SHISA9: variants seen among roughly 807,000 people sequenced by gnomAD.
SHISA9 encodes shisa family member 9, also known as protein shisa-9.
In SHISA9, 13 loss-of-function variants were observed where a neutral mutation model predicts 38.0. That is an observed-to-expected ratio of 0.34 (90% CI 0.22 to 0.54). The LOEUF (loss-of-function observed/expected upper bound fraction) is 0.54, where lower values mean the gene tolerates loss of function less well. Among genes scored for constraint, SHISA9 ranks in the 20% least tolerant of loss-of-function variants. The pLI is 0.91. For synonymous variants in SHISA9, 275 were observed against 242.0 expected, an observed-to-expected ratio of 1.14 and a Z score of -1.27; for missense variants, 538 against 575.8, an observed-to-expected ratio of 0.93 and a Z score of 0.67.
chr16:13,488,619 A>G, the SHISA9 span, among the ~76,000 whole-genome samples: 20 of 152,242 alleles, frequency 1.3e-4, no homozygotes, highest in African/African-American at 3.9e-4. Context: ...ACAGATTTGT[A>G]GTCTAGGAGT....
At position 13,203,466 on chromosome 16, in the gene SHISA9, C is replaced by T. The variant is rs1596728568; in HGVS notation, c.764C>T (p.Pro255Leu). ...LQQMGHPHSY[P>L]NLGQISNPYE... ...CAGATGGGCCATCCACATTCGTACC[C>T]GAACCTGGGCCAGATCTCCAACCCC... The change falls in exon 3 of 5, where the codon CCG becomes CTG. Residue 255 changes from proline to leucine, a missense_variant. This residue lies in a region of SHISA9 where 326 missense variants were observed against 305.9 expected (regional missense o/e 1.07). Coordinates refer to ENST00000558583, the MANE Select transcript of SHISA9 (RefSeq NM_001145204.3). The T allele has an allele frequency of 3.9e-6, 6 of 1,551,342 alleles. No individual in the cohort carries two copies. The highest frequency in any genetic ancestry group is 2.4e-5 in the East Asian group (1 of 40,892).
At chr16:12,941,946 C>A (rs748955924) in intron 2 of SHISA9, among the ~76,000 whole-genome samples, 5 of 152,180 alleles carry the variant, frequency 3.3e-5, no homozygotes, top group Non-Finnish European at 5.9e-5. Flanking sequence ...AAAGCATCAC[C>A]ACTCCAATGC....
At chr16:13,040,873 C>G (rs1302072270) in intron 2 of SHISA9, among the ~76,000 whole-genome samples, 2 of 152,178 alleles carry the variant, frequency 1.3e-5, no homozygotes, top group African/African-American at 4.8e-5. Flanking sequence ...TTGAGCTTTG[C>G]AAGCCTTTTT....
intron 1 of SHISA9, chr16:12,908,929 G>A: frequency 4.9e-6 from 5 of 1,013,364 alleles, no homozygotes; most frequent in Non-Finnish European, 4.7e-6. Flanking sequence ...AGGGTCCTGT[G>A]TGTTTTTAAA....
At chr16:13,242,231 C>T (rs2142096888), downstream of SHISA9, among the ~76,000 whole-genome samples, 1 of 152,310 alleles carries the variant, frequency 6.6e-6, no homozygotes, top group South Asian at 2.1e-4. Flanking sequence ...TTTAATGGCT[C>T]TGTCAATAGT....
At chr16:13,079,352 G>A (rs2073621160) in intron 2 of SHISA9, among the ~76,000 whole-genome samples, 1 of 152,114 alleles carries the variant, frequency 6.6e-6, no homozygotes, top group Admixed American at 6.5e-5. Context: ...AGATAATGCA[G>A]GTAAAGTTCT....
At chr16:13,099,173 A>G (rs1464160515) in intron 2 of SHISA9, among the ~76,000 whole-genome samples, 1 of 152,208 alleles carries the variant, frequency 6.6e-6, no homozygotes, top group Non-Finnish European at 1.5e-5. Context: ...TGATGCTGCT[A>G]CAACAGAAGT....
At chr16:13,250,836 T>C in the SHISA9 span, among the ~76,000 whole-genome samples, 1 of 152,246 alleles carries the variant, frequency 6.6e-6, no homozygotes, top group Non-Finnish European at 1.5e-5. Context: ...CAAACCCTAA[T>C]GGCTTGTATA....
chr16:13,369,878 C>T, the SHISA9 span, among the ~76,000 whole-genome samples: 2 of 151,942 alleles, frequency 1.3e-5, no homozygotes, highest in Admixed American at 6.6e-5. Flanking sequence ...CTGACCCCTC[C>T]GCAGACCAAT....
At chr16:13,378,952 G>GT in the SHISA9 span, among the ~76,000 whole-genome samples, 436 of 152,338 alleles carry the variant, frequency 2.9e-3, 1 homozygote, top group Non-Finnish European at 5.1e-3. Flanking sequence ...AAAATACACA[G>GT]TAAGTAACCA....
intron 2 of SHISA9, among the ~76,000 whole-genome samples, chr16:13,129,507 G>A (rs1254005109): frequency 1.3e-5 from 2 of 152,150 alleles, no homozygotes; most frequent in African/African-American, 4.8e-5. Context: ...ACATTCCATT[G>A]GCCAGAACTG....
intron 2 of SHISA9, among the ~76,000 whole-genome samples, chr16:13,178,325 G>A (rs905069014): frequency 2.0e-5 from 3 of 149,902 alleles, no homozygotes; most frequent in Admixed American, 6.6e-5. Context: ...CCTCTCTCTG[G>A]GTTTTTTTTT....
chr16:13,327,022 C>G, the SHISA9 span, among the ~76,000 whole-genome samples: 1 of 152,222 alleles, frequency 6.6e-6, no homozygotes. Context: ...ATAATGTACA[C>G]AGTTTAGGTG....
intron 2 of SHISA9, among the ~76,000 whole-genome samples, chr16:13,169,858 A>C (rs1037905513): frequency 2.0e-5 from 3 of 152,112 alleles, no homozygotes; most frequent in African/African-American, 7.2e-5. Flanking sequence ...TCTGGCTGGC[A>C]TGGCAGTCTG....
At chr16:13,268,584 C>A in the SHISA9 span, among the ~76,000 whole-genome samples, 3 of 152,080 alleles carry the variant, frequency 2.0e-5, no homozygotes, top group Non-Finnish European at 4.4e-5. Context: ...ACATAATGTT[C>A]CCCATGTAGA....
At chr16:13,317,928 G>A in the SHISA9 span, among the ~76,000 whole-genome samples, 3 of 151,372 alleles carry the variant, frequency 2.0e-5, no homozygotes, top group Non-Finnish European at 4.4e-5. Context: ...CAAATTTTCT[G>A]TTGAAAATAT....
chr16:13,526,596 G>C, the SHISA9 span, among the ~76,000 whole-genome samples: 2 of 152,100 alleles, frequency 1.3e-5, no homozygotes, highest in Non-Finnish European at 2.9e-5. Context: ...ATGTTGGCCA[G>C]GCTGGTCTCG....
chr16:13,073,604 A>G lies in SHISA9; in HGVS notation c.692-129790A>G, dbSNP rs1157690254. 3.9e-5 allele frequency among the ~76,000 whole-genome samples: 6 copies of G among 152,186 alleles called. No homozygotes were observed. The East Asian group carries it at 1.2e-3, about 29-fold the overall frequency. On this transcript the variant is annotated intron_variant, in intron 2 of 4. Coordinates refer to ENST00000558583, the MANE Select transcript of SHISA9 (RefSeq NM_001145204.3). ...AGTGCAAAGTCAAATGGTGGCAAAA[A>G]GACATGTCCATCTAGAACCTGTGGC...
chr16:13,537,933 G>A, the SHISA9 span, among the ~76,000 whole-genome samples: 10 of 152,044 alleles, frequency 6.6e-5, no homozygotes, highest in African/African-American at 2.4e-4. Context: ...TTTGGACAGA[G>A]GAGAAAAATG....
Sources: gnomAD v4.1 joint callset for allele counts (sites outside exome capture counted in the v4.1 genomes callset) on GRCh38, gnomAD v4.1.1 for gene constraint, gnomAD v4.1.1 regional missense constraint, MANE v1.5 for transcripts, NCBI Gene and HGNC (gene_info 2026-07-23, HGNC 2026-07-21) for gene names.